Variants in TYR observed in about 807,000 individuals in gnomAD.
TYR encodes LB24-AB.
Under a neutral mutation model 51.5 loss-of-function variants are expected in TYR, and 58 were observed. The ratio of observed to expected loss-of-function variants is 1.13; its 90% CI spans 0.91 to 1.40. TYR has a LOEUF of 1.40. Ranked by LOEUF, TYR falls within the 40% of genes most tolerant of loss-of-function variation. The probability of loss-of-function intolerance (pLI) is 0.00; values close to 1 mark genes in which losing one functional copy is unlikely to be tolerated. For missense variants in TYR, 732 were observed against 647.4 expected, an observed-to-expected ratio of 1.13 and a Z score of -1.42; for synonymous variants, 263 against 235.2, an observed-to-expected ratio of 1.12 and a Z score of -1.08.
intron 3 of TYR, among the ~76,000 whole-genome samples, chr11:89,283,334 G>A (rs748766016): frequency 6.6e-6 from 1 of 151,696 alleles, no homozygotes; most frequent in South Asian, 2.1e-4. Flanking sequence ...CTTCCATTTG[G>A]CTTCCTTGTT....
rs1426859812 is a variant in TYR, at chr11:89,225,109, T to C, written c.1037-2714T>C. On this transcript the variant is annotated intron_variant, in intron 2 of 4. Transcript: ENST00000263321. ...ATATAATTGATATACCTATTTTTGTTACAGAGAATTTTGGTAGGCTACTTA... is the reference window on the plus strand; with the variant it reads ...ATATAATTGATATACCTATTTTTGTCACAGAGAATTTTGGTAGGCTACTTA... Among the ~76,000 whole-genome samples the C allele has an allele frequency of 2.6e-5, 4 of 151,934 alleles. 1 individual carries two copies. The highest frequency in any genetic ancestry group is 2.0e-4 in the Admixed American group (3 of 15,234).
rs142706616 is a variant in TYR, at chr11:89,185,946, A to T, written c.820-5256A>T. ...AAAATAATTTGGTGAAGGATTCCTG[A>T]AATGTTTTTACATTCAGAGTCAGCC... is the stretch of plus-strand genomic sequence containing the variant. On this transcript the variant is annotated intron_variant, in intron 1 of 4. Transcript: ENST00000263321. Among the ~76,000 whole-genome samples the T allele has an allele frequency of 1.7e-4, 26 of 152,300 alleles. 1 individual carries two copies. The East Asian group carries it at 4.4e-3, about 26-fold the overall frequency.
intron 3 of TYR, among the ~76,000 whole-genome samples, chr11:89,260,210 T>A (rs1944440347): frequency 1.3e-5 from 2 of 151,048 alleles, no homozygotes; most frequent in African/African-American, 4.9e-5. Context: ...TCCCTGAACT[T>A]CTACTTCCAT....
intron 3 of TYR, among the ~76,000 whole-genome samples, chr11:89,260,250 CAA>C (rs778745472): frequency 1.3e-4 from 12 of 90,984 alleles, no homozygotes; most frequent in Admixed American, 3.2e-4. Flanking sequence ...GAATAAAATG[CAA>C]AAAAAAAAAA....
intron 1 of TYR, among the ~76,000 whole-genome samples, chr11:89,190,451 A>T (rs1404937870): frequency 4.6e-5 from 7 of 152,296 alleles, no homozygotes; most frequent in African/African-American, 1.7e-4. Flanking sequence ...GTAAAAAATT[A>T]AATAGCATAA....
At chr11:89,266,061 T>C (rs1159569701) in intron 3 of TYR, among the ~76,000 whole-genome samples, 2 of 152,000 alleles carry the variant, frequency 1.3e-5, no homozygotes, top group Non-Finnish European at 2.9e-5. Flanking sequence ...TTGGGCTCCT[T>C]TTTCCAGCAG....
intron 2 of TYR, among the ~76,000 whole-genome samples, chr11:89,211,199 A>T (rs117239866): frequency 6.6e-6 from 1 of 151,960 alleles, no homozygotes; most frequent in Admixed American, 6.6e-5. Context: ...TCGATGTGCT[A>T]TATTCAGGAG....
rs1306302659 is a variant in TYR at position 89,292,000 on chromosome 11, C to T, written c.1367-3143C>T. On this transcript the variant is annotated intron_variant, in intron 4 of 4. Coordinates refer to ENST00000263321, the MANE Select transcript of TYR (RefSeq NM_000372.5). ...TCAACCAAATAGTATGCTATGATTA[C>T]GTTTGTTTTCCTGCATTACTTTTCT... Among the ~76,000 whole-genome samples, 6 of 151,860 alleles carry T rather than the reference C, an allele frequency of 4.0e-5. No homozygotes were observed. The South Asian group carries it at 6.2e-4, about 16-fold the overall frequency.
chr11:89,266,949 G>A (rs1193505362), intron 3 of TYR, among the ~76,000 whole-genome samples: 1 of 151,878 alleles, frequency 6.6e-6, no homozygotes, highest in Non-Finnish European at 1.5e-5. Flanking sequence ...AGGGCCTTAT[G>A]CACAATAGGA....
chr11:89,229,806 A>C (rs1444975394), intron 3 of TYR, among the ~76,000 whole-genome samples: 1 of 152,116 alleles, frequency 6.6e-6, no homozygotes, highest in Non-Finnish European at 1.5e-5. Flanking sequence ...ACAGCATCAA[A>C]AAATAAAATA....
rs571715209 is a variant in TYR at position 89,218,815 on chromosome 11, A to G, written c.1037-9008A>G. The stretch of plus-strand genomic sequence containing the variant: ...TGACAATGTTACAGAGCTAACAGGT[A>G]GAAAACATGGATCATTAGCAAGGGA... On this transcript the variant is annotated intron_variant, in intron 2 of 4. Transcript: ENST00000263321. 5.3e-5 allele frequency among the ~76,000 whole-genome samples: 8 copies of G among 152,336 alleles called. No homozygotes were observed. The South Asian group carries it at 1.7e-3, about 32-fold the overall frequency.
intron 2 of TYR, among the ~76,000 whole-genome samples, chr11:89,201,245 C>CT (rs990722786): frequency 8.6e-5 from 13 of 151,130 alleles, no homozygotes; most frequent in Admixed American, 3.3e-4. Context: ...ATACCATTAG[C>CT]TTTTTTTTTC....
chr11:89,227,868 G>A lies in TYR; in HGVS notation c.1082G>A (p.Ser361Asn). The A allele has an allele frequency of 5.6e-6, 9 of 1,613,350 alleles. No individual in the cohort carries two copies. The highest frequency in any genetic ancestry group is 6.8e-6 in the Non-Finnish European group (8 of 1,179,660). Residue 361 changes from serine to asparagine, a missense_variant, in exon 3 of 5, where the codon AGC becomes AAC. By Grantham distance (46) the Ser-to-Asn change is conservative (BLOSUM62 1). Coordinates refer to ENST00000263321, the MANE Select transcript of TYR (RefSeq NM_000372.5). ...GGGATAGCGGATGCCTCTCAAAGCA[G>A]CATGCACAATGCCTTGCACATCTAT... The part of the protein sequence containing the change: ...LTGIADASQS[S>N]MHNALHIYMN...
At chr11:89,201,894 A>G (rs1371783525) in intron 2 of TYR, among the ~76,000 whole-genome samples, 4 of 152,202 alleles carry the variant, frequency 2.6e-5, no homozygotes, top group African/African-American at 9.6e-5. Context: ...TTTCAAATAC[A>G]ATTCTGCATT....
At chr11:89,199,737 C>CT (rs1381378867) in intron 2 of TYR, among the ~76,000 whole-genome samples, 2 of 152,166 alleles carry the variant, frequency 1.3e-5, no homozygotes, top group Non-Finnish European at 2.9e-5. Flanking sequence ...CTTCAATAGT[C>CT]TTCTCAACTT....
chr11:89,279,806 C>G (rs909819046), intron 3 of TYR, among the ~76,000 whole-genome samples: 1 of 151,620 alleles, frequency 6.6e-6, no homozygotes, highest in South Asian at 2.1e-4. Flanking sequence ...AATGATTTCA[C>G]CATGTTTTTA....
intron 1 of TYR, among the ~76,000 whole-genome samples, chr11:89,181,472 T>A (rs1263134868): frequency 6.6e-6 from 1 of 152,230 alleles, no homozygotes. Context: ...TTGAATGCCT[T>A]TGTCCAAATT....
intron 3 of TYR, among the ~76,000 whole-genome samples, chr11:89,246,306 A>G (rs1051332066): frequency 2.6e-5 from 4 of 152,178 alleles, no homozygotes; most frequent in African/African-American, 9.7e-5. Flanking sequence ...AAAGTTGCAG[A>G]TCTCCAAGCC....
intron 4 of TYR, among the ~76,000 whole-genome samples, chr11:89,286,666 T>C (rs967640780): frequency 3.3e-5 from 5 of 151,822 alleles, no homozygotes; most frequent in African/African-American, 7.2e-5. Context: ...ATGGGTTTAA[T>C]TGAACTTTTC....
Sources: gnomAD v4.1 joint callset for allele counts (sites outside exome capture counted in the v4.1 genomes callset) on GRCh38, gnomAD v4.1.1 for gene constraint, MANE v1.5 for transcripts, NCBI Gene and HGNC (gene_info 2026-07-23, HGNC 2026-07-21) for gene names.